TTC7B: variants seen among roughly 807,000 people sequenced by gnomAD.
TTC7B encodes the protein tetratricopeptide repeat domain 7B.
Under a neutral mutation model 106.8 loss-of-function variants are expected in TTC7B, and 28 were observed. The observed-to-expected ratio is 0.26, with a 90% confidence interval of 0.19 to 0.36. The LOEUF (loss-of-function observed/expected upper bound fraction) is 0.36, where lower values mean the gene tolerates loss of function less well. Ranked by LOEUF, TTC7B falls within the 10% of genes least tolerant of loss-of-function variation. The pLI is 1.00. For synonymous variants in TTC7B, 405 were observed against 430.6 expected, an observed-to-expected ratio of 0.94 and a Z score of 0.74; for missense variants, 862 against 1,076.4, an observed-to-expected ratio of 0.80 and a Z score of 2.79.
chr14:90,773,448 G>A (rs912680084), intron 3 of TTC7B, among the ~76,000 whole-genome samples: 2 of 152,152 alleles, frequency 1.3e-5, no homozygotes, highest in South Asian at 2.1e-4. Flanking sequence ...CACAGGCCTT[G>A]CTTTGAATCC....
At chr14:90,667,574 CT>C (rs1240998439) in intron 9 of TTC7B, among the ~76,000 whole-genome samples, 2 of 152,152 alleles carry the variant, frequency 1.3e-5, no homozygotes. Flanking sequence ...AAAAGTTGTA[CT>C]CATTATATTT....
rs762147854 is a variant in TTC7B, at chr14:90,532,369, C to T, written c.*8999G>A. The stretch of plus-strand genomic sequence containing the variant: ...CTCTTCCCTCTTCACATGGTCTGGT[C>T]CTTGCTGGCAATGTGAGGATGGGCC... On this transcript the variant is annotated 3_prime_UTR_variant, in exon 20 of 20. Transcript: ENST00000328459. 6 of 152,184 alleles carry T rather than the reference C, an allele frequency of 3.9e-5. No homozygotes were observed. The highest frequency in any genetic ancestry group is 8.8e-5 in the Non-Finnish European group (6 of 68,036). 9.4% of individuals were successfully genotyped at this position (152,184 alleles called of 1,614,324 possible). A position where few individuals can be genotyped will look rare whatever the true frequency, so the allele number is the denominator to read the frequency against.
chr14:90,616,507 G>A (rs1381648196), intron 16 of TTC7B, among the ~76,000 whole-genome samples: 2 of 151,470 alleles, frequency 1.3e-5, no homozygotes, highest in Admixed American at 6.6e-5. Context: ...GGGACTTCCA[G>A]CTGGGGGGGA....
chr14:90,762,827 C>T (rs564091768), intron 3 of TTC7B, among the ~76,000 whole-genome samples: 1 of 152,272 alleles, frequency 6.6e-6, no homozygotes, highest in Non-Finnish European at 1.5e-5. Flanking sequence ...GAAAACATAC[C>T]ATACAAAAGA....
chr14:90,566,167 T>A (rs982795555), intron 19 of TTC7B, among the ~76,000 whole-genome samples: 4 of 151,670 alleles, frequency 2.6e-5, no homozygotes, highest in African/African-American at 9.7e-5. Flanking sequence ...GCCTGGCCAA[T>A]ATGTGGAATC....
intron 1 of TTC7B, among the ~76,000 whole-genome samples, chr14:90,806,399 C>T (rs931432714): frequency 2.0e-5 from 3 of 152,208 alleles, no homozygotes; most frequent in Admixed American, 6.5e-5. Context: ...ACCAGAACCC[C>T]ACCTCCCCGC....
intron 3 of TTC7B, chr14:90,766,939 A>C: frequency 1.3e-6 from 2 of 1,515,670 alleles, no homozygotes; most frequent in Non-Finnish European, 1.8e-6. Context: ...TCAGCACACC[A>C]AGACCACTGG....
chr14:90,565,584 T>C (rs1890760397), intron 19 of TTC7B, among the ~76,000 whole-genome samples: 2 of 151,924 alleles, frequency 1.3e-5, no homozygotes, highest in Non-Finnish European at 1.5e-5. Flanking sequence ...GTATTTTTAG[T>C]AGAGATGGGG....
intron 6 of TTC7B, among the ~76,000 whole-genome samples, chr14:90,691,198 C>T (rs72693589): frequency 0.077 from 11,733 of 152,120 alleles, 487 homozygotes; most frequent in Non-Finnish European, 0.091. Flanking sequence ...AAAAAATGAA[C>T]GAGGAATTTC....
In TTC7B at chr14:90,692,452, T is replaced by A. The variant is rs528787985; in HGVS notation, c.778-2740A>T. On this transcript the variant is annotated intron_variant, in intron 6 of 19. Transcript: ENST00000328459. ...ATAAATTTGCAATTATCAGCTAATC[T>A]TAAAAAATCATAGTTTTTAAGGCTG... Among the ~76,000 whole-genome samples, 3 of 152,354 alleles carry A rather than the reference T, an allele frequency of 2.0e-5. No homozygotes were observed. The South Asian group carries it at 6.2e-4, about 32-fold the overall frequency.
intron 3 of TTC7B, among the ~76,000 whole-genome samples, chr14:90,748,097 A>G (rs1325091199): frequency 1.3e-5 from 2 of 152,150 alleles, no homozygotes; most frequent in Admixed American, 1.3e-4. Context: ...TAACTTTTAA[A>G]TAGGGTATTT....
chr14:90,726,225 C>T (rs758415969), intron 5 of TTC7B, among the ~76,000 whole-genome samples: 1 of 152,300 alleles, frequency 6.6e-6, no homozygotes, highest in East Asian at 1.9e-4. Context: ...GAGGGGAACC[C>T]GAGGGTGAGG....
At chr14:90,694,808 C>T (rs1373849405) in intron 6 of TTC7B, among the ~76,000 whole-genome samples, 1 of 135,006 alleles carries the variant, frequency 7.4e-6, no homozygotes, top group African/African-American at 2.7e-5. Context: ...TATTATAAAA[C>T]ATGTATATTT....
At chr14:90,728,440 A>G (rs1177084853) in intron 5 of TTC7B, among the ~76,000 whole-genome samples, 1 of 151,990 alleles carries the variant, frequency 6.6e-6, no homozygotes, top group African/African-American at 2.4e-5. Context: ...AAGAGAAGAG[A>G]AAAAGCTTCA....
At chr14:90,573,697 C>T (rs1049721596) in intron 19 of TTC7B, among the ~76,000 whole-genome samples, 2 of 152,180 alleles carry the variant, frequency 1.3e-5, no homozygotes, top group African/African-American at 2.4e-5. Flanking sequence ...CTCTTCAAAG[C>T]GGCCTCACCC....
chr14:90,542,232 C>A (rs1334824988), intron 19 of TTC7B, among the ~76,000 whole-genome samples: 2 of 152,178 alleles, frequency 1.3e-5, no homozygotes, highest in African/African-American at 4.8e-5. Context: ...AGCCACAGGG[C>A]CTGGCCTGTC....
intron 4 of TTC7B, among the ~76,000 whole-genome samples, chr14:90,737,554 T>TCC (rs1566863474): frequency 7.2e-6 from 1 of 139,324 alleles, no homozygotes; most frequent in Non-Finnish European, 1.6e-5. Flanking sequence ...CTGTTTTTTT[T>TCC]TTTTTTTTTT....
At chr14:90,772,366 A>G (rs192399124) in intron 3 of TTC7B, among the ~76,000 whole-genome samples, 40 of 152,320 alleles carry the variant, frequency 2.6e-4, no homozygotes, top group Non-Finnish European at 4.6e-4. Context: ...AGTTAAATAG[A>G]TTATACTTCA....
At position 90,530,360 on chromosome 14, in the gene TTC7B, A is replaced by G. The variant is rs573247823; in HGVS notation, c.*11008T>C. 6.6e-6 allele frequency: 1 copy of G among 152,314 alleles called. No individual in the cohort carries two copies. The highest frequency in any genetic ancestry group is 1.9e-4 in the East Asian group (1 of 5,186). The allele number at this position is 152,314 out of a possible 1,614,324, so 9.4% of individuals were successfully genotyped here. A position where few individuals can be genotyped will look rare whatever the true frequency, so the allele number is the denominator to read the frequency against. ...GAGCGCTAAATAGTGGAATTTAATG[A>G]TCTTAGTCTTCGTATGTCTGAAATT... On this transcript the variant is annotated 3_prime_UTR_variant, in exon 20 of 20. Coordinates refer to ENST00000328459, the MANE Select transcript of TTC7B (RefSeq NM_001010854.2).
Sources: allele counts gnomAD v4.1 joint callset (sites outside exome capture counted in the v4.1 genomes callset), GRCh38; gene constraint gnomAD v4.1.1; transcripts MANE v1.5; gene names NCBI Gene and HGNC (gene_info 2026-07-23, HGNC 2026-07-21).